DLC1: variants seen among roughly 807,000 people sequenced by gnomAD.
The protein encoded by DLC1 is DLC1 Rho GTPase activating protein.
In DLC1, 54 loss-of-function variants were observed where a neutral mutation model predicts 140.3. That is an observed-to-expected ratio of 0.38 (90% confidence interval 0.31 to 0.48). The LOEUF is 0.48. Among genes scored for constraint, DLC1 ranks in the 20% least tolerant of loss-of-function variants. DLC1 has a pLI of 0.96. For missense variants in DLC1, 2,536 were observed against 1,907.0 expected (o/e 1.33, Z -6.14); for synonymous variants, 986 against 728.1 (o/e 1.35, Z -5.70).
intron 1 of DLC1, chr8:13,558,367 C>G (rs1804127342): frequency 6.6e-6 from 1 of 152,098 alleles, no homozygotes; most frequent in Non-Finnish European, 1.5e-5. Flanking sequence ...TATTTTGTGA[C>G]TGATGGGATG....
At chr8:13,289,039 C>A (rs1026258794) in intron 5 of DLC1, among the ~76,000 whole-genome samples, 1 of 152,258 alleles carries the variant, frequency 6.6e-6, no homozygotes, top group Middle Eastern at 3.4e-3. Context: ...ACACCATTCT[C>A]CACTTTCATT....
chr8:13,181,911 C>T (rs186793853), intron 5 of DLC1, among the ~76,000 whole-genome samples: 169 of 152,314 alleles, frequency 1.1e-3, no homozygotes, highest in African/African-American at 3.8e-3. Flanking sequence ...GGAATCACCA[C>T]ACCATCTTCC....
chr8:13,295,676 G>A (rs1239405755), intron 5 of DLC1, among the ~76,000 whole-genome samples: 1 of 152,168 alleles, frequency 6.6e-6, no homozygotes, highest in Non-Finnish European at 1.5e-5. Context: ...AGCCAATGGA[G>A]GGTCAATACG....
At chr8:13,215,688 C>T (rs1208457731) in intron 5 of DLC1, among the ~76,000 whole-genome samples, 2 of 152,138 alleles carry the variant, frequency 1.3e-5, no homozygotes, top group Admixed American at 6.5e-5. Flanking sequence ...TATTGTAGAA[C>T]TATTGAAGGT....
At chr8:13,127,942 C>T (rs1821724342) in intron 5 of DLC1, among the ~76,000 whole-genome samples, 2 of 152,028 alleles carry the variant, frequency 1.3e-5, no homozygotes, top group Admixed American at 6.6e-5. Flanking sequence ...TTGATTTTTC[C>T]CCGACGGGGG....
chr8:13,266,780 A>G (rs1830705542), intron 5 of DLC1, among the ~76,000 whole-genome samples: 1 of 152,130 alleles, frequency 6.6e-6, no homozygotes, highest in African/African-American at 2.4e-5. Flanking sequence ...AAAAAGAGAA[A>G]GCCCTTTGCA....
At chr8:13,205,839 G>C (rs1338089800) in intron 5 of DLC1, among the ~76,000 whole-genome samples, 2 of 152,102 alleles carry the variant, frequency 1.3e-5, no homozygotes, top group Admixed American at 6.6e-5. Context: ...ATACTAATAA[G>C]TCAAGACAAA....
At chr8:13,567,997 T>C in intron 1 of DLC1, 1 of 1,475,452 alleles carries the variant, frequency 6.8e-7, no homozygotes, top group Non-Finnish European at 9.0e-7. Flanking sequence ...TACCATAATT[T>C]CTACAGGCAC....
chr8:13,139,461 G>A (rs1822813586), intron 5 of DLC1, among the ~76,000 whole-genome samples: 1 of 152,066 alleles, frequency 6.6e-6, no homozygotes, highest in African/African-American at 2.4e-5. Flanking sequence ...CTAAACCCTA[G>A]AAAAGTCAGG....
intron 5 of DLC1, among the ~76,000 whole-genome samples, chr8:13,249,046 A>G (rs758181668): frequency 6.6e-6 from 1 of 152,116 alleles, no homozygotes; most frequent in Non-Finnish European, 1.5e-5. Context: ...TGATGCCTCT[A>G]AACTTTCCCC....
chr8:13,136,667 T>G (rs1417069983), intron 5 of DLC1, among the ~76,000 whole-genome samples: 1 of 152,210 alleles, frequency 6.6e-6, no homozygotes, highest in Non-Finnish European at 1.5e-5. Flanking sequence ...CCCAAGTAGC[T>G]GGCACTACAG....
intron 5 of DLC1, among the ~76,000 whole-genome samples, chr8:13,125,783 A>G (rs1161490317): frequency 6.6e-6 from 1 of 151,734 alleles, no homozygotes; most frequent in African/African-American, 2.4e-5. Context: ...AGACATACAT[A>G]TACAGCTTTC....
chr8:13,347,832 C>T (rs1834427562), intron 4 of DLC1, among the ~76,000 whole-genome samples: 1 of 152,116 alleles, frequency 6.6e-6, no homozygotes, highest in African/African-American at 2.4e-5. Flanking sequence ...GGCATTAAAA[C>T]ATGCTTCCTG....
intron 1 of DLC1, among the ~76,000 whole-genome samples, chr8:13,573,252 C>A (rs954113989): frequency 3.9e-5 from 6 of 151,924 alleles, no homozygotes; most frequent in Non-Finnish European, 8.8e-5. Context: ...TTAAAAAATT[C>A]TTTTTGGATT....
intron 5 of DLC1, among the ~76,000 whole-genome samples, chr8:13,262,256 TA>T (rs1212110749): frequency 1.3e-5 from 2 of 151,966 alleles, no homozygotes; most frequent in African/African-American, 4.8e-5. Context: ...AAAAAAAAGA[TA>T]GGGGTTTATA....
intron 4 of DLC1, among the ~76,000 whole-genome samples, chr8:13,357,689 A>G (rs577650901): frequency 2.1e-4 from 32 of 152,338 alleles, no homozygotes; most frequent in Middle Eastern, 3.4e-3. Flanking sequence ...TCAAATCCCA[A>G]TTCTTTTCAT....
rs1278448265 is a variant in DLC1 at position 13,100,271 on chromosome 8, T to C, written c.2066A>G (p.Lys689Arg). 6.2e-7 allele frequency: 1 copy of C among 1,614,142 alleles called. No homozygotes were observed. The highest frequency in any genetic ancestry group is 1.7e-5 in the Admixed American group (1 of 60,022). The stretch of plus-strand genomic sequence containing the variant: ...GGGCCCGCTGATGATCAACCCCAGC[T>C]TTGAGGGCGCTTTGTGCTTGCTGTG... ...SHHSKHKAPS[K>R]LGLIISGPIL... The change falls in exon 9 of 18, where the codon AAG (lysine) becomes AGG (arginine). Residue 689 changes from lysine (K) to arginine (R), a missense_variant. Coordinates refer to ENST00000276297, the MANE Select transcript of DLC1 (RefSeq NM_182643.3).
chr8:13,565,022 T>C (rs1804378743), intron 1 of DLC1, among the ~76,000 whole-genome samples: 1 of 152,206 alleles, frequency 6.6e-6, no homozygotes, highest in Non-Finnish European at 1.5e-5. Flanking sequence ...TTACTCTTCA[T>C]ATTTGTTTAA....
Position 13,401,478 on chromosome 8 carries a change from G to A in DLC1, c.1165C>T (p.His389Tyr), listed in dbSNP as rs2117252186. The A allele has an allele frequency of 6.2e-7, 1 of 1,612,250 alleles. No individual in the cohort carries two copies. The highest frequency in any genetic ancestry group is 8.5e-7 in the Non-Finnish European group (1 of 1,179,948). Residue 389 changes from histidine (H) to tyrosine (Y), a missense_variant, in exon 3 of 18, where the codon CAC (histidine) becomes TAC (tyrosine). His to Tyr is a moderately conservative substitution (Grantham distance 83, BLOSUM62 2). Transcript: ENST00000276297. The stretch of plus-strand genomic sequence containing the variant: ...GAAAGTGGAAAGCTCACAGGAACGT[G>A]CCGCCGCAGGTTTGTTGGTGTGCCT... ...PSGTPTNLRR[H>Y]VPDLESGSES...
Sources: gnomAD v4.1 joint callset for allele counts (sites outside exome capture counted in the v4.1 genomes callset) on GRCh38, gnomAD v4.1.1 for gene constraint, MANE v1.5 for transcripts, NCBI Gene and HGNC (gene_info 2026-07-23, HGNC 2026-07-21) for gene names.